DUSP16: variants seen among roughly 807,000 people sequenced by gnomAD.
The protein encoded by DUSP16 is dual specificity protein phosphatase 16.
A neutral mutation model predicts 58.3 loss-of-function variants in DUSP16; 21 were observed. That is an observed-to-expected ratio of 0.36 (90% CI 0.26 to 0.52). The LOEUF (loss-of-function observed/expected upper bound fraction) is 0.52, where lower values mean the gene tolerates loss of function less well. Among genes scored for constraint, DUSP16 ranks in the 20% least tolerant of loss-of-function variants. The probability of loss-of-function intolerance (pLI) is 0.94; values close to 1 mark genes in which losing one functional copy is unlikely to be tolerated. For missense variants in DUSP16, 726 were observed against 819.0 expected, an observed-to-expected ratio of 0.89 and a Z score of 1.39; for synonymous variants, 320 against 323.8, an observed-to-expected ratio of 0.99 and a Z score of 0.12.
intron 3 of DUSP16, among the ~76,000 whole-genome samples, chr12:12,509,231 TATTTTC>T (rs1376112956): frequency 1.3e-5 from 2 of 152,240 alleles, no homozygotes; most frequent in African/African-American, 4.8e-5. Context: ...GTCTCCCTAC[TATTTTC>T]CTAACACATC....
chr12:12,501,533 G>T (rs1416036507), intron 3 of DUSP16, among the ~76,000 whole-genome samples: 1 of 152,198 alleles, frequency 6.6e-6, no homozygotes, highest in Non-Finnish European at 1.5e-5. Flanking sequence ...AATGAGTAAG[G>T]TTATTTGCTT....
chr12:12,477,715 C>T lies in DUSP16; in HGVS notation c.1116G>A (p.Glu372=). The part of the protein sequence containing the change: ...SVPSVQPSLL[E]DSPLVQALSG... Reference sequence around the variant, plus strand: ...TGAGCGCCTGTACCAGCGGGCTGTCCTCTAACAGCGACGGCTGCACGCTGG... The same window carrying T: ...TGAGCGCCTGTACCAGCGGGCTGTCTTCTAACAGCGACGGCTGCACGCTGG... Residue 372 remains glutamate, a synonymous_variant, in exon 7 of 7, where the codon GAG becomes GAA. Coordinates refer to ENST00000298573, the MANE Select transcript of DUSP16 (RefSeq NM_030640.3). This position sits in a 1 kb window ranked among gnomAD's most constrained non-coding sequence, Gnocchi z 4.1. 1 of 1,612,866 alleles carries T rather than the reference C, an allele frequency of 6.2e-7. No homozygotes were observed. The highest frequency in any genetic ancestry group is 8.5e-7 in the Non-Finnish European group (1 of 1,179,510).
rs900662416 is a variant in DUSP16 at position 12,533,163 on chromosome 12, T to C, written c.-365-11700A>G. The stretch of plus-strand genomic sequence containing the variant: ...TAGGTCAGTTAGGGTATGACTCTTA[T>C]AATACAAAAGTTTATTTGGTATACA... On this transcript the variant is annotated intron_variant, in intron 1 of 6. Coordinates refer to ENST00000298573, the MANE Select transcript of DUSP16 (RefSeq NM_030640.3). Among the ~76,000 whole-genome samples the C allele has an allele frequency of 4.6e-5, 7 of 152,234 alleles. No homozygotes were observed. The South Asian group carries it at 1.2e-3, about 27-fold the overall frequency.
chr12:12,516,033 C>T (rs1459109559), intron 3 of DUSP16, among the ~76,000 whole-genome samples: 2 of 151,978 alleles, frequency 1.3e-5, no homozygotes, highest in Non-Finnish European at 2.9e-5. Flanking sequence ...ACCTCGGCCT[C>T]CCAAAGTTCT....
At chr12:12,545,012 T>A (rs1293627534) in intron 1 of DUSP16, among the ~76,000 whole-genome samples, 2 of 152,202 alleles carry the variant, frequency 1.3e-5, no homozygotes, top group South Asian at 4.1e-4. Flanking sequence ...TATTCAATAG[T>A]GTGAATCCTA....
At chr12:12,557,329 C>T (rs565511167) in intron 1 of DUSP16, among the ~76,000 whole-genome samples, 8 of 151,926 alleles carry the variant, frequency 5.3e-5, no homozygotes, top group East Asian at 3.9e-4. Flanking sequence ...CGGTGGCACA[C>T]GCCTGTAGTC....
intron 1 of DUSP16, among the ~76,000 whole-genome samples, chr12:12,551,139 T>C (rs1054492319): frequency 6.6e-5 from 10 of 152,010 alleles, no homozygotes; most frequent in African/African-American, 2.4e-4. Context: ...TTTACACTTA[T>C]TCAGACTTTG....
At chr12:12,517,226 A>G (rs758653992) in intron 3 of DUSP16, among the ~76,000 whole-genome samples, 3 of 152,232 alleles carry the variant, frequency 2.0e-5, no homozygotes, top group Non-Finnish European at 4.4e-5. Flanking sequence ...AAGGTGGCTG[A>G]AAGTTCTAAA....
intron 1 of DUSP16, among the ~76,000 whole-genome samples, chr12:12,544,879 GA>G (rs1388967949): frequency 1.3e-5 from 2 of 152,004 alleles, no homozygotes; most frequent in African/African-American, 2.4e-5. Flanking sequence ...ATCATTTATC[GA>G]AAGATCTTTC....
At chr12:12,524,426 G>A (rs1292946975) in intron 1 of DUSP16, among the ~76,000 whole-genome samples, 1 of 152,160 alleles carries the variant, frequency 6.6e-6, no homozygotes. Context: ...CCCTGCCAAG[G>A]GATCATGGAG....
chr12:12,546,633 CACTAGATAG>C (rs1203504941), intron 1 of DUSP16, among the ~76,000 whole-genome samples: 1 of 152,192 alleles, frequency 6.6e-6, no homozygotes, highest in Non-Finnish European at 1.5e-5. Context: ...ACAAAGACAA[CACTAGATAG>C]ACATGCTGTG....
At chr12:12,497,514 G>A (rs560622328) in intron 4 of DUSP16, among the ~76,000 whole-genome samples, 23 of 152,254 alleles carry the variant, frequency 1.5e-4, no homozygotes, top group African/African-American at 5.1e-4. Context: ...TCTCGGGTAA[G>A]TGACTTAGCT....
intron 3 of DUSP16, among the ~76,000 whole-genome samples, chr12:12,504,183 C>A (rs1371579633): frequency 6.6e-6 from 1 of 152,216 alleles, no homozygotes; most frequent in Non-Finnish European, 1.5e-5. Context: ...CCCAACCTAA[C>A]AACTGTCAGG....
intron 4 of DUSP16, among the ~76,000 whole-genome samples, chr12:12,490,118 G>C (rs577280280): frequency 2.1e-4 from 32 of 152,238 alleles, no homozygotes; most frequent in Admixed American, 9.2e-4. Context: ...GGGTCTCGCT[G>C]TATTGTCCAG....
intron 3 of DUSP16, among the ~76,000 whole-genome samples, chr12:12,509,530 C>G (rs1048017448): frequency 1.3e-5 from 2 of 151,848 alleles, no homozygotes; most frequent in African/African-American, 4.8e-5. Flanking sequence ...TAGACATGGT[C>G]CAGCTTAGAG....
chr12:12,561,335 T>C (rs554601468), intron 1 of DUSP16, among the ~76,000 whole-genome samples: 1 of 152,354 alleles, frequency 6.6e-6, no homozygotes, highest in South Asian at 2.1e-4. Context: ...CTTTAGGATT[T>C]TGCAGTATCC....
intron 4 of DUSP16, among the ~76,000 whole-genome samples, chr12:12,497,535 G>C (rs528201204): frequency 9.9e-5 from 15 of 152,204 alleles, no homozygotes; most frequent in African/African-American, 3.1e-4. Context: ...CAGGGCAAAT[G>C]TATCTCCTAA....
At chr12:12,514,863 T>C (rs1481958815) in intron 3 of DUSP16, among the ~76,000 whole-genome samples, 1 of 152,114 alleles carries the variant, frequency 6.6e-6, no homozygotes. Flanking sequence ...CTCTCTCTGT[T>C]GGCCAGGCAG....
At chr12:12,506,319 C>T (rs889612308) in intron 3 of DUSP16, 5 of 152,184 alleles carry the variant, frequency 3.3e-5, no homozygotes, top group South Asian at 4.1e-4. Context: ...AAATGGCTAA[C>T]GGAGACAAAG....
Sources: gnomAD v4.1 joint callset for allele counts (sites outside exome capture counted in the v4.1 genomes callset) on GRCh38, gnomAD v4.1.1 for gene constraint, Gnocchi (gnomAD v3.1) non-coding constraint, MANE v1.5 for transcripts, NCBI Gene and HGNC (gene_info 2026-07-23, HGNC 2026-07-21) for gene names.